The following CDCA7L variants were observed in gnomAD, a reference collection of about 807,000 sequenced individuals.
CDCA7L encodes cell division cycle-associated 7-like protein.
In CDCA7L, 44 loss-of-function variants were observed where a neutral mutation model predicts 57.4. The observed-to-expected ratio is 0.77, with a 90% CI of 0.60 to 0.98. The LOEUF (loss-of-function observed/expected upper bound fraction) is 0.98, where lower values mean the gene tolerates loss of function less well. CDCA7L is among the 50% of genes least tolerant of loss of function. CDCA7L has a pLI of 0.00. For missense variants in CDCA7L, 644 were observed against 580.6 expected, an observed-to-expected ratio of 1.11 and a Z score of -1.12; for synonymous variants, 236 against 202.8, an observed-to-expected ratio of 1.16 and a Z score of -1.39.
chr7:21,904,316 GC>G, intron 7 of CDCA7L, 57 bp from the exon 8 acceptor site: 1 of 1,464,248 alleles, frequency 6.8e-7, no homozygotes, highest in Non-Finnish European at 9.1e-7. Flanking sequence ...GCCCAATGAG[GC>G]CAGATGCCAC....
intron 1 of CDCA7L, among the ~76,000 whole-genome samples, chr7:21,931,667 T>A (rs955476223): frequency 7.2e-5 from 11 of 152,170 alleles, no homozygotes; most frequent in African/African-American, 2.7e-4. Flanking sequence ...CCACAGCCAA[T>A]ATCATACTGA....
At chr7:21,910,005 C>T (rs1337921581) in intron 3 of CDCA7L, among the ~76,000 whole-genome samples, 2 of 152,306 alleles carry the variant, frequency 1.3e-5, no homozygotes, top group East Asian at 3.9e-4. Flanking sequence ...TGCTTTTCTT[C>T]TCACTGGATT....
chr7:21,903,896 TAAC>T (rs57083117), intron 8 of CDCA7L: 96,114 of 416,570 alleles, frequency 0.23, 12,101 homozygotes, highest in Non-Finnish European at 0.27. Context: ...ATGGAAAATC[TAAC>T]AACATTAATT....
intron 1 of CDCA7L, among the ~76,000 whole-genome samples, chr7:21,942,106 T>A (rs116215306): frequency 0.015 from 2,351 of 152,284 alleles, 68 homozygotes; most frequent in African/African-American, 0.053. Context: ...GGTGCTCAAC[T>A]GACTATCTGA....
At position 21,906,598 on chromosome 7, in the gene CDCA7L, G is replaced by C; in HGVS notation, c.723C>G (p.Phe241Leu). 6.2e-7 allele frequency: 1 copy of C among 1,614,148 alleles called. No homozygotes were observed. Among genetic ancestry groups the C allele is most frequent in the Non-Finnish European group, 8.5e-7 (1 of 1,180,030 alleles). The change falls in exon 5 of 10, where the codon TTC (phenylalanine) becomes TTG (leucine). Residue 241 changes from phenylalanine to leucine, a missense_variant. Phe to Leu is a conservative substitution (Grantham distance 22). Coordinates refer to ENST00000406877, the MANE Select transcript of CDCA7L (RefSeq NM_018719.5). Reference sequence around the variant, plus strand: ...CTGAGGTTGGGGTTCGTACTGGGAAGAAATCTGGCATCGAGTTCAATTCCG... The same window carrying C: ...CTGAGGTTGGGGTTCGTACTGGGAACAAATCTGGCATCGAGTTCAATTCCG... ...LLAELNSMPD[F>L]FPVRTPTSAS...
At chr7:21,922,795 A>G (rs1785695787) in intron 1 of CDCA7L, among the ~76,000 whole-genome samples, 1 of 152,246 alleles carries the variant, frequency 6.6e-6, no homozygotes, top group Non-Finnish European at 1.5e-5. Context: ...TGGATAAACA[A>G]AATGTGAGAC....
chr7:21,918,366 G>A (rs1242806887), intron 1 of CDCA7L, among the ~76,000 whole-genome samples: 1 of 152,190 alleles, frequency 6.6e-6, no homozygotes, highest in African/African-American at 2.4e-5. Context: ...TGTAGACATA[G>A]TATCATGTCA....
Position 21,901,592 on chromosome 7 carries a change from AAGTACATCAT to A in CDCA7L, c.*720_*729del, listed in dbSNP as rs1363884613. 5.7e-6 allele frequency: 1 copy of A among 174,694 alleles called. No individual in the cohort carries two copies. Among genetic ancestry groups the A allele is most frequent in the African/African-American group, 2.4e-5 (1 of 41,956 alleles). The allele number at this position is 174,694 out of a possible 1,614,324, so 10.8% of individuals were successfully genotyped here. A position where few individuals can be genotyped will look rare whatever the true frequency, so the allele number is the denominator to read the frequency against. On this transcript the variant is annotated 3_prime_UTR_variant, in exon 10 of 10. Transcript: ENST00000406877. ...TCAAAAAAAAAAAAGTACATCATAAAAGTACATCATATGTGAACATGCAAAAGCAATGCAG... is the reference window on the plus strand; with the variant it reads ...TCAAAAAAAAAAAAGTACATCATAAAATGTGAACATGCAAAAGCAATGCAG...
chr7:21,923,789 C>G (rs1785740345), intron 1 of CDCA7L, among the ~76,000 whole-genome samples: 1 of 152,198 alleles, frequency 6.6e-6, no homozygotes, highest in African/African-American at 2.4e-5. Flanking sequence ...CAGAACCACA[C>G]TTGGCTGAAA....
At chr7:21,917,601 C>A (rs995342083) in intron 1 of CDCA7L, among the ~76,000 whole-genome samples, 3 of 152,174 alleles carry the variant, frequency 2.0e-5, no homozygotes, top group Admixed American at 6.5e-5. Context: ...ATAGTACAAA[C>A]ACCTGTTGAT....
chr7:21,909,254 C>T (rs1785238370), intron 3 of CDCA7L, among the ~76,000 whole-genome samples: 1 of 152,028 alleles, frequency 6.6e-6, no homozygotes, highest in African/African-American at 2.4e-5. Context: ...GGATACATCA[C>T]CTAGGTGACA....
chr7:21,910,022 T>C (rs1376533431), intron 3 of CDCA7L, among the ~76,000 whole-genome samples: 1 of 152,098 alleles, frequency 6.6e-6, no homozygotes, highest in Non-Finnish European at 1.5e-5. Flanking sequence ...GATTCTAAAA[T>C]AAAATTTGCA....
intron 1 of CDCA7L, among the ~76,000 whole-genome samples, chr7:21,917,934 A>G (rs1399297374): frequency 2.6e-5 from 2 of 76,348 alleles, no homozygotes; most frequent in African/African-American, 8.2e-5. Context: ...CTATATTTTA[A>G]TATCTGCAAC....
intron 1 of CDCA7L, among the ~76,000 whole-genome samples, chr7:21,934,007 G>C (rs911940414): frequency 1.3e-5 from 2 of 151,608 alleles, no homozygotes; most frequent in Admixed American, 6.6e-5. Flanking sequence ...AAAGCCAAGG[G>C]AATTCATTAC....
intron 1 of CDCA7L, among the ~76,000 whole-genome samples, chr7:21,925,399 A>G (rs930208925): frequency 1.3e-5 from 2 of 152,184 alleles, no homozygotes; most frequent in Non-Finnish European, 2.9e-5. Context: ...GGAGACAAAC[A>G]CTTCTATACA....
Position 21,908,467 on chromosome 7 carries a change from A to G in CDCA7L, c.344T>C (p.Leu115Ser), listed in dbSNP as rs1230853831. The G allele has an allele frequency of 3.2e-6, 5 of 1,550,400 alleles. No individual in the cohort carries two copies. The highest frequency in any genetic ancestry group is 1.4e-5 in the African/African-American group (1 of 72,012). Residue 115 changes from leucine (L) to serine (S), a missense_variant, in exon 4 of 10, where the codon TTG becomes TCG. Leu to Ser is a moderately radical substitution (Grantham distance 145). Coordinates refer to ENST00000406877, the MANE Select transcript of CDCA7L (RefSeq NM_018719.5). ...TTCATCTTCCTCTTCCTCGCTCACC[A>G]AAGATGCTTTGCCATCATCACTCAA... ...SDLSDDGKASLVSEEEEDEEE... is the reference protein window; with the variant it reads ...SDLSDDGKASSVSEEEEDEEE...
In CDCA7L at chr7:21,902,257, C is replaced by CCAATGGTATGCATGTCTT. The variant is rs1784924014; in HGVS notation, c.*47_*64dup. 7.0e-7 allele frequency: 1 copy of CCAATGGTATGCATGTCTT among 1,436,626 alleles called. No individual in the cohort carries two copies. Among genetic ancestry groups the CCAATGGTATGCATGTCTT allele is most frequent in the Non-Finnish European group, 9.8e-7 (1 of 1,020,154 alleles). 89.0% of individuals were successfully genotyped at this position (1,436,626 alleles called of 1,614,324 possible). ...ACTGTAAAAAAATCTTTCTTAGGCACCAATGGTATGCATGTCTTGTTGGAG... is the reference window on the plus strand; with the variant it reads ...ACTGTAAAAAAATCTTTCTTAGGCACCAATGGTATGCATGTCTTCAATGGTATGCATGTCTTGTTGGAG... On this transcript the variant is annotated 3_prime_UTR_variant, in exon 10 of 10. Transcript: ENST00000406877.
intron 1 of CDCA7L, among the ~76,000 whole-genome samples, chr7:21,930,025 GCAC>G (rs1408574698): frequency 3.3e-5 from 5 of 152,112 alleles, no homozygotes; most frequent in Admixed American, 6.5e-5. Flanking sequence ...ATTCTTCTCA[GCAC>G]CACATCAGAC....
In CDCA7L at chr7:21,929,099, G is replaced by T. The variant is rs376333704; in HGVS notation, c.25-12205C>A. Among the ~76,000 whole-genome samples, 40 of 152,304 alleles carry T rather than the reference G, an allele frequency of 2.6e-4. 1 individual carries two copies. In the South Asian group the frequency reaches 8.3e-3, roughly 32 times the overall value. ...CAAAGGGAAGCCCATCAGACTAACA[G>T]CGGATCTCTAGGCAGAAACCCTACA... On this transcript the variant is annotated intron_variant, in intron 1 of 9. Transcript: ENST00000406877.
Sources: gnomAD v4.1 joint callset for allele counts (sites outside exome capture counted in the v4.1 genomes callset) on GRCh38, gnomAD v4.1.1 for gene constraint, MANE v1.5 for transcripts, NCBI Gene and HGNC (gene_info 2026-07-23, HGNC 2026-07-21) for gene names.